Variants in SOAT1 observed in about 807,000 individuals in gnomAD.
SOAT1 encodes sterol O-acyltransferase 1, also known as acyl-coenzyme A:cholesterol acyltransferase 1.
Under a neutral mutation model 69.5 loss-of-function variants are expected in SOAT1, and 55 were observed. That is an observed-to-expected ratio of 0.79 (90% CI 0.64 to 0.99). The LOEUF is 0.99. SOAT1 is among the 50% of genes least tolerant of loss of function. The probability of loss-of-function intolerance (pLI) is 0.00; values close to 1 mark genes in which losing one functional copy is unlikely to be tolerated. For missense variants in SOAT1, 580 were observed against 669.3 expected (o/e 0.87, Z 1.47); for synonymous variants, 231 against 224.7 (o/e 1.03, Z -0.25).
At chr1:179,335,362 G>T (rs1202375128) in intron 3 of SOAT1, 144 bp from the exon 4 acceptor site, 21 of 644,098 alleles carry the variant, frequency 3.3e-5, no homozygotes, top group Non-Finnish European at 5.5e-5. Flanking sequence ...TCAGATACAG[G>T]AATTGATTTT....
chr1:179,307,438 G>A lies in SOAT1; in HGVS notation c.118+4636G>A, dbSNP rs191894517. On this transcript the variant is annotated intron_variant, in intron 2 of 15. Transcript: ENST00000367619. The stretch of plus-strand genomic sequence containing the variant: ...TGGTTTTGTTGTAAAGGTGATGTCC[G>A]TTCTCAGAAATACTGTATCAACATC... Among the ~76,000 whole-genome samples, 16 of 152,240 alleles carry A rather than the reference G, an allele frequency of 1.1e-4. No homozygotes were observed. In the South Asian group the frequency reaches 1.5e-3, roughly 14 times the overall value.
intron 1 of SOAT1, among the ~76,000 whole-genome samples, chr1:179,299,363 T>C (rs1412929275): frequency 6.6e-6 from 1 of 152,212 alleles, no homozygotes; most frequent in Non-Finnish European, 1.5e-5. Flanking sequence ...GTAAAAAGTT[T>C]AGCAGCACAG....
chr1:179,341,965 C>A, intron 7 of SOAT1, 149 bp from the exon 8 acceptor site: 2 of 903,106 alleles, frequency 2.2e-6, no homozygotes, highest in Non-Finnish European at 3.0e-6. Context: ...TGTCATGTAA[C>A]TATATAATAA....
chr1:179,315,763 A>T (rs1329593193), intron 2 of SOAT1, among the ~76,000 whole-genome samples: 3 of 152,086 alleles, frequency 2.0e-5, no homozygotes, highest in Non-Finnish European at 4.4e-5. Context: ...TTATTTATGG[A>T]TAGACAGATT....
At chr1:179,298,893 G>T (rs1470094188) in intron 1 of SOAT1, among the ~76,000 whole-genome samples, 1 of 152,112 alleles carries the variant, frequency 6.6e-6, no homozygotes, top group Non-Finnish European at 1.5e-5. Context: ...ATCATAAGTT[G>T]GGGACTGTCT....
At chr1:179,323,097 A>G (rs1383375272) in intron 2 of SOAT1, among the ~76,000 whole-genome samples, 1 of 87,816 alleles carries the variant, frequency 1.1e-5, no homozygotes, top group Non-Finnish European at 2.3e-5. Flanking sequence ...AATAAGTTTT[A>G]AAAGGTTTTC....
At chr1:179,344,894 CT>C in intron 10 of SOAT1, 52 bp from the exon 11 acceptor site, 1 of 1,601,766 alleles carries the variant, frequency 6.2e-7, no homozygotes, top group Non-Finnish European at 8.5e-7. Context: ...AAAAAATCGC[CT>C]TCCATCTTAT....
chr1:179,303,582 AGTTTT>A (rs1664908145), intron 2 of SOAT1, among the ~76,000 whole-genome samples: 1 of 152,182 alleles, frequency 6.6e-6, no homozygotes, highest in Admixed American at 6.5e-5. Context: ...ATAAAGAAAC[AGTTTT>A]GTTTTTCCTA....
At chr1:179,302,322 A>G (rs12727223) in intron 1 of SOAT1, among the ~76,000 whole-genome samples, 9 of 152,246 alleles carry the variant, frequency 5.9e-5, no homozygotes, top group Non-Finnish European at 7.3e-5. Flanking sequence ...GTGTCCCCAC[A>G]CAAATCTCAT....
intron 7 of SOAT1, 49 bp from the exon 8 acceptor site, chr1:179,342,065 T>C (rs1315990487): frequency 1.4e-5 from 23 of 1,611,500 alleles, no homozygotes; most frequent in Non-Finnish European, 2.0e-5. Flanking sequence ...AAAGGACACT[T>C]GCAGGAGACT....
chr1:179,304,064 G>T (rs1664921920), intron 2 of SOAT1, among the ~76,000 whole-genome samples: 1 of 152,214 alleles, frequency 6.6e-6, no homozygotes, highest in Non-Finnish European at 1.5e-5. Flanking sequence ...CCAGGTTTTA[G>T]TGCAGGTGTT....
Position 179,341,455 on chromosome 1 carries a change from G to T in SOAT1, c.780+145G>T, listed in dbSNP as rs12090046. 3.7e-3 allele frequency: 2,843 copies of T among 778,312 alleles called. 74 individuals carry two copies. The African/African-American group carries it at 0.045, about 12-fold the overall frequency. 48.2% of individuals were successfully genotyped at this position (778,312 alleles called of 1,614,324 possible). ...TTCTTTTGCCATTATCTGTAAAATT[G>T]TTAAACTAGAATCATCTCACCTCTT... is the stretch of plus-strand genomic sequence containing the variant. On this transcript the variant is annotated intron_variant, in intron 7 of 15. Transcript: ENST00000367619.
chr1:179,336,335 C>T (rs1165020192), intron 4 of SOAT1, among the ~76,000 whole-genome samples: 1 of 150,094 alleles, frequency 6.7e-6, no homozygotes, highest in Non-Finnish European at 1.5e-5. Flanking sequence ...TGGTCGTGCA[C>T]GCCTGTCGTC....
At position 179,341,191 on chromosome 1, in the gene SOAT1, C is replaced by G. The variant is rs1247033496; in HGVS notation, c.661C>G (p.Leu221Val). The change falls in exon 7 of 16, where the codon CTC (leucine) becomes GTC (valine). Residue 221 changes from leucine to valine, a missense_variant. Leu to Val is a conservative substitution (Grantham distance 32). Transcript: ENST00000367619. ...SKSSHPLIRS[L>V]FHGFLFMIFQ... is the part of the protein sequence containing the mutation. ...GAGTTCTCATCCGCTGATCCGTTCT[C>G]TCTTCCATGGCTTTCTTTTCATGAT... 1 of 1,614,132 alleles carries G rather than the reference C, an allele frequency of 6.2e-7. No individual in the cohort carries two copies. The highest frequency in any genetic ancestry group is 8.5e-7 in the Non-Finnish European group (1 of 1,180,020).
chr1:179,351,600 CATT>C, intron 15 of SOAT1, 138 bp downstream of exon 15: 1 of 760,394 alleles, frequency 1.3e-6, no homozygotes, highest in Non-Finnish European at 2.1e-6. Flanking sequence ...GGAGTAAAAG[CATT>C]AGTTTATCAT....
Position 179,323,431 on chromosome 1 carries a change from C to T in SOAT1, c.119-6C>T, listed in dbSNP as rs1665675546. On this transcript the variant is annotated splice_region_variant and splice_polypyrimidine_tract_variant and intron_variant, in intron 2 of 15. Transcript: ENST00000367619. ...ACTTAAAAGTCATGTTTTTTTCTTC[C>T]CGTAGGTCGAATTGACATAAAACAG... The T allele has an allele frequency of 4.3e-6, 7 of 1,611,874 alleles. No individual in the cohort carries two copies. The East Asian group carries it at 1.6e-4, about 36-fold the overall frequency.
intron 1 of SOAT1, among the ~76,000 whole-genome samples, chr1:179,296,579 ATTAC>A (rs1664653574): frequency 6.6e-6 from 1 of 152,218 alleles, no homozygotes; most frequent in African/African-American, 2.4e-5. Context: ...AGTTTTGCTA[ATTAC>A]TTAAAGACCT....
chr1:179,351,770 AG>A (rs1666746152), intron 15 of SOAT1, among the ~76,000 whole-genome samples: 1 of 123,488 alleles, frequency 8.1e-6, no homozygotes, highest in Non-Finnish European at 1.6e-5. Context: ...CCCAGGCTGG[AG>A]TGCAGTGGTG....
chr1:179,302,489 C>T (rs756635440), intron 1 of SOAT1, among the ~76,000 whole-genome samples, 188 bp from the exon 2 acceptor site: 4 of 152,116 alleles, frequency 2.6e-5, no homozygotes, highest in Non-Finnish European at 4.4e-5. Flanking sequence ...TCTCTCCTGC[C>T]GCCACGTAAG....
Sources: gnomAD v4.1 joint callset for allele counts (sites outside exome capture counted in the v4.1 genomes callset) on GRCh38, gnomAD v4.1.1 for gene constraint, MANE v1.5 for transcripts, NCBI Gene and HGNC (gene_info 2026-07-23, HGNC 2026-07-21) for gene names.